Variants in LARP1 observed in about 807,000 individuals in gnomAD.
LARP1 encodes La ribonucleoprotein 1, translational regulator.
A neutral mutation model predicts 122.7 loss-of-function variants in LARP1; 36 were observed. The ratio of observed to expected loss-of-function variants is 0.29; its 90% CI spans 0.22 to 0.39. LARP1 has a LOEUF of 0.39. LARP1 is among the 10% of genes least tolerant of loss of function. The pLI is 1.00. For synonymous variants in LARP1, 539 were observed against 528.7 expected (o/e 1.02, Z -0.27); for missense variants, 1,040 against 1,403.6 (o/e 0.74, Z 4.14).
intron 10 of LARP1, among the ~76,000 whole-genome samples, chr5:154,801,169 A>C (rs191386343): frequency 6.6e-6 from 1 of 152,250 alleles, no homozygotes; most frequent in African/African-American, 2.4e-5. Flanking sequence ...TCAGCGTCTC[A>C]TATTCAGTCT....
intron 8 of LARP1, among the ~76,000 whole-genome samples, chr5:154,797,224 T>TTG (rs1757946703): frequency 1.1e-5 from 1 of 93,254 alleles, no homozygotes; most frequent in African/African-American, 5.3e-5. Context: ...TGTTGTTGTT[T>TTG]TTTTTTTTTT....
upstream of LARP1, among the ~76,000 whole-genome samples, chr5:154,751,779 A>G (rs562111589): frequency 3.9e-5 from 6 of 152,200 alleles, no homozygotes; most frequent in Non-Finnish European, 8.8e-5. Flanking sequence ...TGCCTAATTT[A>G]TATATTAAAC....
At position 154,803,771 on chromosome 5, in the gene LARP1, A is replaced by G. The variant is rs763503759; in HGVS notation, c.2439+26A>G. On this transcript the variant is annotated intron_variant, in intron 13 of 18. Coordinates refer to ENST00000518297, the MANE Select transcript of LARP1 (RefSeq NM_033551.3). This position sits in a 1 kb window ranked among gnomAD's most constrained non-coding sequence, Gnocchi z 4.4. ...GTGAGGCATTCCTGTCGGGCTGCTC[A>G]GAGTCTTGGGTCTACTTCATTGCAT... 1.9e-6 allele frequency: 3 copies of G among 1,606,994 alleles called. No homozygotes were observed. The highest frequency in any genetic ancestry group is 2.7e-5 in the African/African-American group (2 of 74,776).
At chr5:154,685,060 A>G (rs538137911) in intron 1 of LARP1, among the ~76,000 whole-genome samples, 2 of 152,280 alleles carry the variant, frequency 1.3e-5, no homozygotes, top group East Asian at 1.9e-4. Flanking sequence ...CCTGACCAAC[A>G]TGGTGAAACT....
At chr5:154,780,889 C>T (rs998863985) in intron 1 of LARP1, among the ~76,000 whole-genome samples, 11 of 151,964 alleles carry the variant, frequency 7.2e-5, no homozygotes, top group Non-Finnish European at 1.2e-4. Context: ...TGGTGAAACC[C>T]CATCTCTACT....
intron 15 of LARP1, 73 bp from the exon 16 acceptor site, chr5:154,808,386 C>G (rs1418908246): frequency 1.3e-6 from 2 of 1,545,016 alleles, no homozygotes; most frequent in Non-Finnish European, 1.8e-6. Context: ...GTCTTAAGTT[C>G]CAGGATCCTT....
chr5:154,706,655 C>G (rs1471922416), intron 1 of LARP1, among the ~76,000 whole-genome samples: 1 of 151,700 alleles, frequency 6.6e-6, no homozygotes, highest in East Asian at 1.9e-4. Context: ...CCAAATCCCT[C>G]TGACTCACAA....
chr5:154,811,701 G>T (rs768517677), intron 18 of LARP1, 61 bp downstream of exon 18: 108 of 1,597,784 alleles, frequency 6.8e-5, no homozygotes, highest in Non-Finnish European at 8.5e-5. Flanking sequence ...CCAGGAATCA[G>T]GATACTTGGA....
intron 1 of LARP1, among the ~76,000 whole-genome samples, chr5:154,700,654 C>T (rs371990177): frequency 1.7e-4 from 26 of 152,136 alleles, no homozygotes; most frequent in African/African-American, 5.3e-4. Flanking sequence ...GACAGGGTCT[C>T]GCTCTATCAC....
At chr5:154,721,497 T>C (rs1200254618) in intron 1 of LARP1, among the ~76,000 whole-genome samples, 2 of 152,020 alleles carry the variant, frequency 1.3e-5, no homozygotes, top group Non-Finnish European at 1.5e-5. Flanking sequence ...ACCGTTACCA[T>C]TTGGTGGCAG....
At chr5:154,737,186 G>A (rs1416527299) in intron 1 of LARP1, among the ~76,000 whole-genome samples, 1 of 151,068 alleles carries the variant, frequency 6.6e-6, no homozygotes, top group African/African-American at 2.4e-5. Flanking sequence ...GATTACAGGC[G>A]TGCACCACCA....
chr5:154,692,591 C>T (rs560168933), intron 1 of LARP1, among the ~76,000 whole-genome samples: 1 of 152,120 alleles, frequency 6.6e-6, no homozygotes, highest in African/African-American at 2.4e-5. Context: ...CCTTTAAAGC[C>T]CAAATCAAAG....
At chr5:154,779,461 T>TA (rs1756219237) in intron 1 of LARP1, among the ~76,000 whole-genome samples, 1 of 151,788 alleles carries the variant, frequency 6.6e-6, no homozygotes, top group African/African-American at 2.4e-5. Context: ...AAATTGTTGG[T>TA]AGGGTGGCTT....
intron 1 of LARP1, among the ~76,000 whole-genome samples, chr5:154,786,261 T>G (rs193014277): frequency 2.3e-3 from 347 of 152,152 alleles, no homozygotes; most frequent in African/African-American, 8.0e-3. Flanking sequence ...GGCTGGTCTC[T>G]AACTCCTGAC....
In LARP1 at chr5:154,791,180, G is replaced by C. The variant is rs966685097; in HGVS notation, c.564+470G>C. On this transcript the variant is annotated intron_variant, in intron 3 of 18. Transcript: ENST00000518297. ...GATGGAGTCTCGCTCAGTCACCCAG[G>C]CTGGAGTGCAATGGTGTGATCTCGG... Among the ~76,000 whole-genome samples, 4 of 148,074 alleles carry C rather than the reference G, an allele frequency of 2.7e-5. No individual in the cohort carries two copies. The Admixed American group carries it at 2.7e-4, about 10-fold the overall frequency.
chr5:154,745,314 G>A (rs2113481786), intron 1 of LARP1, among the ~76,000 whole-genome samples: 1 of 152,304 alleles, frequency 6.6e-6, no homozygotes, highest in Non-Finnish European at 1.5e-5. Context: ...CTGAGCCTCA[G>A]TGTCCTCATC....
At position 154,778,258 on chromosome 5, in the gene LARP1, TAAAA is replaced by T. The variant is rs577057003; in HGVS notation, c.437-12051_437-12048del. ...CTGGGCCACAGAGCGAGACTCCGTC[TAAAA>T]AAAAAAAAAAAAAAAGTGCAGCTCT... On this transcript the variant is annotated intron_variant, in intron 1 of 18. Coordinates refer to ENST00000518297, the MANE Select transcript of LARP1 (RefSeq NM_033551.3). Among the ~76,000 whole-genome samples, 12 of 119,706 alleles carry T rather than the reference TAAAA, an allele frequency of 1.0e-4. 1 individual carries two copies. The highest frequency in any genetic ancestry group is 5.4e-4 in the Admixed American group (6 of 11,170). The allele number at this position is 119,706 out of a possible 152,430, so 78.5% of individuals were successfully genotyped here. A position where few individuals can be genotyped will look rare whatever the true frequency, so the allele number is the denominator to read the frequency against.
At chr5:154,790,520 C>T in intron 2 of LARP1, 125 bp from the exon 3 acceptor site, 1 of 1,277,512 alleles carries the variant, frequency 7.8e-7, no homozygotes, top group Admixed American at 1.8e-5. Flanking sequence ...TTCTAGGTAT[C>T]CAGTGTGAAT....
chr5:154,809,359 C>T (rs1381406399), intron 16 of LARP1, among the ~76,000 whole-genome samples: 1 of 149,634 alleles, frequency 6.7e-6, no homozygotes, highest in Non-Finnish European at 1.5e-5. Context: ...ACCCCCTCCC[C>T]AATTTTCAAT....
Sources: gnomAD v4.1 joint callset for allele counts (sites outside exome capture counted in the v4.1 genomes callset) on GRCh38, gnomAD v4.1.1 for gene constraint, Gnocchi (gnomAD v3.1) non-coding constraint, MANE v1.5 for transcripts, NCBI Gene and HGNC (gene_info 2026-07-23, HGNC 2026-07-21) for gene names.